Variants in ST14 observed in about 807,000 individuals in gnomAD.
ST14 encodes the protein suppressor of tumorigenicity 14 protein.
ST14 carries 40 observed loss-of-function variants against 96.5 expected under a neutral mutation model. That is an observed-to-expected ratio of 0.41 (90% CI 0.32 to 0.54). The LOEUF (loss-of-function observed/expected upper bound fraction) is 0.54. Among genes scored for constraint, ST14 ranks in the 20% least tolerant of loss-of-function variants. The probability of loss-of-function intolerance (pLI) is 0.17; values close to 1 mark genes in which losing one functional copy is unlikely to be tolerated. For synonymous variants in ST14, 506 were observed against 492.1 expected (o/e 1.03, Z -0.37); for missense variants, 1,066 against 1,188.9 (o/e 0.90, Z 1.52).
chr11:130,173,931 T>C (rs1256099351), intron 1 of ST14, among the ~76,000 whole-genome samples: 1 of 152,252 alleles, frequency 6.6e-6, no homozygotes, highest in African/African-American at 2.4e-5. Flanking sequence ...CAGCATGCTC[T>C]GGGCCTCAGC....
chr11:130,172,282 T>A (rs577440499), intron 1 of ST14, among the ~76,000 whole-genome samples: 1 of 151,572 alleles, frequency 6.6e-6, no homozygotes, highest in South Asian at 2.1e-4. Flanking sequence ...TTTAAAAAAT[T>A]TTTGTAGAGA....
chr11:130,164,736 A>G (rs977013774), intron 1 of ST14, among the ~76,000 whole-genome samples: 7 of 145,740 alleles, frequency 4.8e-5, no homozygotes, highest in East Asian at 2.0e-4. Flanking sequence ...TATTATTATT[A>G]TTATTATTAT....
At chr11:130,189,555 C>T in intron 4 of ST14, 184 bp from the exon 5 acceptor site, 2 of 730,360 alleles carry the variant, frequency 2.7e-6, no homozygotes, top group Non-Finnish European at 4.4e-6. Context: ...GAGCAGAGGG[C>T]AAAGGGCAAG....
At chr11:130,202,238 G>A (rs1953436440) in intron 16 of ST14, among the ~76,000 whole-genome samples, 1 of 152,068 alleles carries the variant, frequency 6.6e-6, no homozygotes, top group African/African-American at 2.4e-5. Flanking sequence ...CCTTCATCGT[G>A]TGTTGATCAT....
chr11:130,208,576 G>A lies in ST14; in HGVS notation c.2161G>A (p.Ala721Thr). 2 of 1,614,196 alleles carry A rather than the reference G, an allele frequency of 1.2e-6. No individual in the cohort carries two copies. Among genetic ancestry groups the A allele is most frequent in the South Asian group, 2.2e-5 (2 of 91,090 alleles). ...DIALLELEKP[A>T]EYSSMVRPIC... Reference sequence around the variant, plus strand: ...CGCGCTGCTGGAGCTGGAGAAACCGGCAGAGTACAGCTCCATGGTGCGGCC... The same window carrying A: ...CGCGCTGCTGGAGCTGGAGAAACCGACAGAGTACAGCTCCATGGTGCGGCC... Residue 721 changes from alanine to threonine, a missense_variant, in exon 17 of 19, where the codon GCA (alanine) becomes ACA (threonine). Transcript: ENST00000278742.
In ST14 at chr11:130,160,134, G is replaced by C. The variant is rs1357887337; in HGVS notation, c.81+74G>C. 8.5e-5 allele frequency: 92 copies of C among 1,088,300 alleles called. No homozygotes were observed. The East Asian group carries it at 3.0e-3, about 35-fold the overall frequency. 67.4% of individuals were successfully genotyped at this position (1,088,300 alleles called of 1,614,324 possible). A position where few individuals can be genotyped will look rare whatever the true frequency, so the allele number is the denominator to read the frequency against. Reference sequence around the variant, plus strand: ...GACCCTGCAGCGCGGCGCTGGGCTCGGCCGGCTCCCCTGGCGTGTCCGTCG... The same window carrying C: ...GACCCTGCAGCGCGGCGCTGGGCTCCGCCGGCTCCCCTGGCGTGTCCGTCG... On this transcript the variant is annotated intron_variant, in intron 1 of 18. Transcript: ENST00000278742.
chr11:130,195,458 C>T (rs974590437), intron 9 of ST14, among the ~76,000 whole-genome samples: 2 of 152,060 alleles, frequency 1.3e-5, no homozygotes, highest in African/African-American at 2.4e-5. Context: ...GTCTCAGAGG[C>T]GCCGTCAGGA....
At chr11:130,185,996 CAG>C (rs1477196557) in intron 1 of ST14, among the ~76,000 whole-genome samples, 2 of 151,942 alleles carry the variant, frequency 1.3e-5, no homozygotes, top group African/African-American at 4.8e-5. Flanking sequence ...TTAGTAGAGA[CAG>C]GGTATCACCA....
In ST14 at chr11:130,209,820, A is replaced by G. The variant is rs1328474950; in HGVS notation, c.2565A>G (p.Val855=). ...FRDWIKENTG[V] ...ACTGGATCAAAGAGAACACTGGGGT[A>G]TAGGGGCCGGGGCCACCCAAATGTG... is the stretch of plus-strand genomic sequence containing the variant. The change falls in exon 19 of 19, where the codon GTA becomes GTG. Residue 855 remains valine, a synonymous_variant. Coordinates refer to ENST00000278742, the MANE Select transcript of ST14 (RefSeq NM_021978.4). 3.7e-6 allele frequency: 6 copies of G among 1,613,738 alleles called. No homozygotes were observed. In the African/African-American group the frequency reaches 6.7e-5, roughly 18 times the overall value.
chr11:130,208,713 C>T (rs760709351), intron 17 of ST14, 29 bp downstream of exon 17: 4 of 1,602,784 alleles, frequency 2.5e-6, no homozygotes, highest in Admixed American at 1.7e-5. Context: ...TAGGGCTCCG[C>T]AGAGGGCCTG....
Position 130,188,400 on chromosome 11 carries a change from G to A in ST14, c.241+127G>A, listed in dbSNP as rs1196332836. 3.2e-6 allele frequency: 5 copies of A among 1,585,380 alleles called. No homozygotes were observed. The South Asian group carries it at 5.6e-5, about 18-fold the overall frequency. Reference sequence around the variant, plus strand: ...CTCTTGGCCTCTCTGGAACCCTGATGGGGAGTGATGGGAAGCAGTCAGGGC... The same window carrying A: ...CTCTTGGCCTCTCTGGAACCCTGATAGGGAGTGATGGGAAGCAGTCAGGGC... On this transcript the variant is annotated intron_variant, in intron 2 of 18. Coordinates refer to ENST00000278742, the MANE Select transcript of ST14 (RefSeq NM_021978.4). This position sits in a 1 kb window ranked among gnomAD's most constrained non-coding sequence, Gnocchi z 5.4.
Position 130,210,138 on chromosome 11 carries a change from GTC to G in ST14, c.*319_*320del. ...GCGTTTGTGCATATCTGCCTCCCCT[GTC>G]TCTAAGGAGCAGCGGGAACGGAGCT... On this transcript the variant is annotated 3_prime_UTR_variant, in exon 19 of 19. Transcript: ENST00000278742. The G allele has an allele frequency of 5.9e-6, 2 of 338,800 alleles. No individual in the cohort carries two copies. The highest frequency in any genetic ancestry group is 1.3e-4 in the East Asian group (2 of 15,744). The allele number at this position is 338,800 out of a possible 1,614,324, so 21.0% of individuals were successfully genotyped here. A position where few individuals can be genotyped will look rare whatever the true frequency, so the allele number is the denominator to read the frequency against.
rs555088155 is a variant in ST14 at position 130,172,236 on chromosome 11, C to T, written c.81+12176C>T. Among the ~76,000 whole-genome samples, 8 of 151,060 alleles carry T rather than the reference C, an allele frequency of 5.3e-5. No homozygotes were observed. The East Asian group carries it at 7.8e-4, about 15-fold the overall frequency. ...CTCAAGTGATCCTCCCACCTCAGCC[C>T]GCTGAGTAGCTGTGCCACCATGCTA... On this transcript the variant is annotated intron_variant, in intron 1 of 18. Transcript: ENST00000278742.
At chr11:130,199,188 G>A (rs910509733) in intron 15 of ST14, 119 bp downstream of exon 15, 1 of 1,114,368 alleles carries the variant, frequency 9.0e-7, no homozygotes, top group South Asian at 1.3e-5. Context: ...GTGCTTGGGT[G>A]AGAGGGTGTG....
Position 130,188,008 on chromosome 11 carries a change from C to G in ST14, c.82-106C>G. The G allele has an allele frequency of 1.3e-6, 2 of 1,498,592 alleles. No homozygotes were observed. Among genetic ancestry groups the G allele is most frequent in the Admixed American group, 2.0e-5 (1 of 51,024 alleles). The allele number at this position is 1,498,592 out of a possible 1,614,324, so 92.8% of individuals were successfully genotyped here. ...CCCCTTCTTCTCACCCAAGCCCCTG[C>G]TTTCTTCTCCAAGCTGGACCTCACA... is the stretch of plus-strand genomic sequence containing the variant. On this transcript the variant is annotated intron_variant, in intron 1 of 18. Coordinates refer to ENST00000278742, the MANE Select transcript of ST14 (RefSeq NM_021978.4). The surrounding 1 kb of genome is among the most constrained non-coding windows in gnomAD (Gnocchi z 5.4).
chr11:130,180,620 G>T (rs2136208125), intron 1 of ST14, among the ~76,000 whole-genome samples: 1 of 152,254 alleles, frequency 6.6e-6, no homozygotes, highest in African/African-American at 2.4e-5. Flanking sequence ...TGCACTCAGT[G>T]GCAGGTCTTA....
intron 17 of ST14, 113 bp downstream of exon 17, chr11:130,208,797 C>A (rs1312100979): frequency 7.3e-6 from 10 of 1,361,396 alleles, no homozygotes; most frequent in African/African-American, 5.8e-5. Flanking sequence ...TCTCCCTCTG[C>A]CTGGCAGAAT....
At chr11:130,167,418 TATAA>T (rs753247324) in intron 1 of ST14, among the ~76,000 whole-genome samples, 5 of 152,238 alleles carry the variant, frequency 3.3e-5, no homozygotes, top group Admixed American at 2.6e-4. Context: ...TTAGAGCCTC[TATAA>T]ATAGTTTTGT....
intron 1 of ST14, among the ~76,000 whole-genome samples, chr11:130,162,149 C>A (rs754211942): frequency 6.6e-6 from 1 of 152,172 alleles, no homozygotes; most frequent in Non-Finnish European, 1.5e-5. Flanking sequence ...TGCATCCATC[C>A]GTGCACCCTT....
Sources: allele counts gnomAD v4.1 joint callset (sites outside exome capture counted in the v4.1 genomes callset), GRCh38; gene constraint gnomAD v4.1.1; non-coding constraint Gnocchi (gnomAD v3.1); transcripts MANE v1.5; gene names NCBI Gene and HGNC (gene_info 2026-07-23, HGNC 2026-07-21).